The following BRF1 variants were observed in gnomAD, a reference collection of about 807,000 sequenced individuals.
BRF1 encodes the protein transcription factor IIIB 90 kDa subunit.
A neutral mutation model predicts 81.7 loss-of-function variants in BRF1; 59 were observed. That is an observed-to-expected ratio of 0.72 (90% CI 0.59 to 0.90). The LOEUF (loss-of-function observed/expected upper bound fraction) is 0.90. Ranked by LOEUF, BRF1 falls within the 40% of genes least tolerant of loss-of-function variation. BRF1 has a pLI of 0.00. For synonymous variants in BRF1, 491 were observed against 395.6 expected, an observed-to-expected ratio of 1.24 and a Z score of -2.86; for missense variants, 1,050 against 936.3, an observed-to-expected ratio of 1.12 and a Z score of -1.58.
At chr14:105,218,008 G>T (rs1450503362) in intron 14 of BRF1, among the ~76,000 whole-genome samples, 1 of 152,102 alleles carries the variant, frequency 6.6e-6, no homozygotes, top group Non-Finnish European at 1.5e-5. Flanking sequence ...CAGGTGAGTG[G>T]GGCACGTGGC....
At chr14:105,278,990 G>C (rs993570101) in intron 2 of BRF1, among the ~76,000 whole-genome samples, 2 of 152,150 alleles carry the variant, frequency 1.3e-5, no homozygotes, top group Non-Finnish European at 2.9e-5. Context: ...GCTGCAGTGA[G>C]CCGAGATCGC....
intron 6 of BRF1, 82 bp downstream of exon 6, chr14:105,241,183 A>T: frequency 2.6e-6 from 4 of 1,566,862 alleles, no homozygotes; most frequent in Non-Finnish European, 3.4e-6. Flanking sequence ...CATACGGCCC[A>T]GCCCACCAGC....
At chr14:105,304,726 C>T (rs1311475783), upstream of BRF1, among the ~76,000 whole-genome samples, 1 of 152,174 alleles carries the variant, frequency 6.6e-6, no homozygotes, top group East Asian at 1.9e-4. Flanking sequence ...CACGTGGCTG[C>T]AGAGGCCTCA....
rs1450318223 is a variant in BRF1 at position 105,269,655 on chromosome 14, G to T, written c.439+3066C>A. ...GTGTGGGAACTTTGTGGCTAAAGGT[G>T]GTCCTGCCAGACTCAGAGGCAGCCC... On this transcript the variant is annotated intron_variant, in intron 3 of 17. Transcript: ENST00000547530. This position sits in a 1 kb window ranked among gnomAD's most constrained non-coding sequence, Gnocchi z 5.0. 6.6e-6 allele frequency among the ~76,000 whole-genome samples: 1 copy of T among 152,146 alleles called. No individual in the cohort carries two copies. The highest frequency in any genetic ancestry group is 1.5e-5 in the Non-Finnish European group (1 of 68,020).
chr14:105,217,365 T>G (rs1035703266), intron 15 of BRF1, 179 bp downstream of exon 15: 9 of 969,892 alleles, frequency 9.3e-6, no homozygotes, highest in South Asian at 8.4e-5. Flanking sequence ...CCAAGGAGAG[T>G]TGAGACACTG....
intron 11 of BRF1, among the ~76,000 whole-genome samples, chr14:105,221,203 G>A (rs1301584866): frequency 1.3e-5 from 2 of 152,224 alleles, no homozygotes; most frequent in Admixed American, 6.5e-5. Context: ...TGGGCAAGGT[G>A]AGGGGGGGCA....
intron 1 of BRF1, among the ~76,000 whole-genome samples, chr14:105,293,597 C>T (rs893088272): frequency 3.9e-5 from 6 of 152,220 alleles, no homozygotes; most frequent in African/African-American, 1.2e-4. Context: ...ACAGGGAAGC[C>T]CCGCCTTGCC....
chr14:105,301,442 A>C (rs1307785689), upstream of BRF1, among the ~76,000 whole-genome samples: 2 of 138,462 alleles, frequency 1.4e-5, no homozygotes, highest in African/African-American at 5.5e-5. Flanking sequence ...GAGGGGGCCG[A>C]GCGTGGTGGG....
At chr14:105,261,686 G>C (rs930137382) in intron 3 of BRF1, among the ~76,000 whole-genome samples, 14 of 152,216 alleles carry the variant, frequency 9.2e-5, no homozygotes, top group Non-Finnish European at 1.9e-4. Context: ...GAGAAGCGAG[G>C]GAAAGTGCTC....
At chr14:105,228,683 G>C (rs587594429) in intron 7 of BRF1, 137 bp downstream of exon 7, 7 of 924,104 alleles carry the variant, frequency 7.6e-6, no homozygotes, top group African/African-American at 4.9e-5. Flanking sequence ...TGTGACCGGG[G>C]CTGGGCTAGG....
intron 4 of BRF1, among the ~76,000 whole-genome samples, chr14:105,255,029 G>C (rs1347352675): frequency 6.6e-6 from 1 of 152,358 alleles, no homozygotes; most frequent in Admixed American, 6.5e-5. Flanking sequence ...GATTCTGCCT[G>C]CAGACTGCCC....
At chr14:105,297,508 T>C (rs1595492655) in intron 1 of BRF1, among the ~76,000 whole-genome samples, 1 of 151,414 alleles carries the variant, frequency 6.6e-6, no homozygotes, top group Non-Finnish European at 1.5e-5. Flanking sequence ...AGGCGGAGGG[T>C]GCAGTGAGCT....
chr14:105,272,645 C>T lies in BRF1; in HGVS notation c.439+76G>A. 3.4e-6 allele frequency: 5 copies of T among 1,485,550 alleles called. No individual in the cohort carries two copies. In the African/African-American group the frequency reaches 5.6e-5, roughly 17 times the overall value. 92.0% of individuals were successfully genotyped at this position (1,485,550 alleles called of 1,614,324 possible). On this transcript the variant is annotated intron_variant, in intron 3 of 17. Transcript: ENST00000547530. ...ACAAACACCAAGTTACTGCAACTAC[C>T]AAGTCCCAATATTCGAGGGGAGCCA...
chr14:105,294,345 C>G (rs2057645947), intron 1 of BRF1, among the ~76,000 whole-genome samples: 2 of 152,230 alleles, frequency 1.3e-5, no homozygotes, highest in Admixed American at 1.3e-4. Flanking sequence ...GTTCTGACAG[C>G]ACCCGGGTGA....
At chr14:105,248,817 C>T (rs1421666252) in intron 5 of BRF1, 1 of 985,910 alleles carries the variant, frequency 1.0e-6, no homozygotes, top group Non-Finnish European at 1.2e-6. Flanking sequence ...CGCGAGGGCG[C>T]GGGGCGCGGC....
At chr14:105,263,926 A>G (rs79897884) in intron 3 of BRF1, among the ~76,000 whole-genome samples, 1 of 147,902 alleles carries the variant, frequency 6.8e-6, no homozygotes, top group Admixed American at 6.7e-5. Context: ...CTCTGTCTCA[A>G]AAAAAAAAAA....
intron 5 of BRF1, chr14:105,250,232 C>T (rs749023649): frequency 5.6e-6 from 9 of 1,612,830 alleles, no homozygotes; most frequent in Middle Eastern, 1.6e-4. Context: ...GAGGTGCCAC[C>T]GATTCCAGTC....
At chr14:105,304,104 C>T (rs1036653686), upstream of BRF1, among the ~76,000 whole-genome samples, 5 of 152,208 alleles carry the variant, frequency 3.3e-5, no homozygotes, top group East Asian at 7.7e-4. Context: ...GCAGGACAGT[C>T]AGGCAGTACA....
At chr14:105,306,688 C>G (rs1300191419) in intron 1 of BRF1, among the ~76,000 whole-genome samples, 1 of 152,120 alleles carries the variant, frequency 6.6e-6, no homozygotes, top group Non-Finnish European at 1.5e-5. Context: ...GTACCGCAAT[C>G]TCTACCTCCC....
Sources: allele counts gnomAD v4.1 joint callset (sites outside exome capture counted in the v4.1 genomes callset), GRCh38; gene constraint gnomAD v4.1.1; non-coding constraint Gnocchi (gnomAD v3.1); transcripts MANE v1.5; gene names NCBI Gene and HGNC (gene_info 2026-07-23, HGNC 2026-07-21).